Variants in ZNF608 observed in about 807,000 individuals in gnomAD.
ZNF608 encodes renal carcinoma antigen NY-REN-36.
A neutral mutation model predicts 109.0 loss-of-function variants in ZNF608; 12 were observed. The observed-to-expected ratio is 0.11, with a 90% CI of 0.07 to 0.18. The LOEUF is 0.18. ZNF608 is among the 10% of genes least tolerant of loss of function. The pLI is 1.00. For missense variants in ZNF608, 1,707 were observed against 1,879.3 expected (o/e 0.91, Z 1.70); for synonymous variants, 732 against 717.4 (o/e 1.02, Z -0.33).
At chr5:124,655,203 G>A (rs1042269506) in intron 3 of ZNF608, among the ~76,000 whole-genome samples, 1 of 152,180 alleles carries the variant, frequency 6.6e-6, no homozygotes, top group African/African-American at 2.4e-5. Flanking sequence ...CTGTGGAGAG[G>A]CTTTGCTCCC....
At chr5:124,742,621 T>C (rs77172323) in intron 2 of ZNF608, among the ~76,000 whole-genome samples, 3,694 of 152,346 alleles carry the variant, frequency 0.024, 146 homozygotes, top group African/African-American at 0.085. Context: ...TCATTTATAT[T>C]CATTAATGTA....
intron 2 of ZNF608, among the ~76,000 whole-genome samples, chr5:124,720,421 G>T (rs1359756989): frequency 6.6e-6 from 1 of 152,056 alleles, no homozygotes; most frequent in Non-Finnish European, 1.5e-5. Flanking sequence ...AATTGTGAAT[G>T]GTAAGAAATA....
chr5:124,717,146 T>C (rs1753736175), intron 2 of ZNF608, among the ~76,000 whole-genome samples: 1 of 151,736 alleles, frequency 6.6e-6, no homozygotes, highest in South Asian at 2.1e-4. Context: ...TATAAACTTC[T>C]CTTAAAAGAA....
At position 124,746,540 on chromosome 5, in the gene ZNF608, AG is replaced by A; in HGVS notation, c.-530del. ...AAAAAACAGAGAGTTTAGAGAAAAAAGTTTTCCCAACTTCTCATTCCGCCTT... is the reference window on the plus strand; with the variant it reads ...AAAAAACAGAGAGTTTAGAGAAAAAATTTTCCCAACTTCTCATTCCGCCTT... On this transcript the variant is annotated 5_prime_UTR_variant, in exon 1 of 10. The change abolishes the stop of an existing upstream ORF in the 5' untranslated region. Coordinates refer to ENST00000513986, the MANE Select transcript of ZNF608 (RefSeq NM_020747.3). 1 of 985,390 alleles carries A rather than the reference AG, an allele frequency of 1.0e-6. No homozygotes were observed. Among genetic ancestry groups the A allele is most frequent in the South Asian group, 4.7e-5 (1 of 21,290 alleles). The allele number at this position is 985,390 out of a possible 1,614,324, so 61.0% of individuals were successfully genotyped here.
At chr5:124,691,559 TA>T (rs1752632873) in intron 3 of ZNF608, among the ~76,000 whole-genome samples, 5 of 152,174 alleles carry the variant, frequency 3.3e-5, no homozygotes, top group Admixed American at 3.3e-4. Flanking sequence ...TTATTCACAA[TA>T]GCCAACATAT....
intron 3 of ZNF608, among the ~76,000 whole-genome samples, chr5:124,687,596 C>T (rs888109362): frequency 1.3e-5 from 2 of 152,162 alleles, no homozygotes; most frequent in Admixed American, 1.3e-4. Flanking sequence ...CTTCTTAGGT[C>T]TCCTGACTGG....
intron 2 of ZNF608, among the ~76,000 whole-genome samples, chr5:124,716,985 G>A (rs1383424766): frequency 1.3e-5 from 2 of 152,070 alleles, no homozygotes; most frequent in Non-Finnish European, 2.9e-5. Context: ...AGGAGGCTGA[G>A]GCAGGAGAAT....
chr5:124,713,343 G>T (rs1753574257), intron 2 of ZNF608, among the ~76,000 whole-genome samples: 1 of 152,206 alleles, frequency 6.6e-6, no homozygotes, highest in African/African-American at 2.4e-5. Flanking sequence ...GTCACCAAAT[G>T]ATGGCCCACG....
At chr5:124,711,305 C>T (rs1446599168) in intron 2 of ZNF608, among the ~76,000 whole-genome samples, 2 of 152,212 alleles carry the variant, frequency 1.3e-5, no homozygotes, top group African/African-American at 4.8e-5. Flanking sequence ...TAGAAACATA[C>T]AGAGGAAGAA....
intron 2 of ZNF608, among the ~76,000 whole-genome samples, chr5:124,727,647 C>A (rs912393096): frequency 9.2e-5 from 5 of 54,106 alleles, no homozygotes; most frequent in Admixed American, 2.1e-4. Flanking sequence ...AAAAAAAAAT[C>A]AGACCAAAAA....
chr5:124,724,548 C>T (rs1259593703), intron 2 of ZNF608, among the ~76,000 whole-genome samples: 1 of 146,480 alleles, frequency 6.8e-6, no homozygotes, highest in Non-Finnish European at 1.5e-5. Context: ...ATTACCTCAT[C>T]ATTTCCAATT....
chr5:124,675,671 C>T (rs889580658), intron 3 of ZNF608, among the ~76,000 whole-genome samples: 3 of 152,110 alleles, frequency 2.0e-5, no homozygotes, highest in African/African-American at 4.8e-5. Context: ...CATGAGACTA[C>T]GGCCATCATT....
intron 2 of ZNF608, among the ~76,000 whole-genome samples, chr5:124,723,978 A>G (rs73782049): frequency 0.015 from 2,275 of 152,296 alleles, 72 homozygotes; most frequent in African/African-American, 0.052. Context: ...AATTAAAATA[A>G]TAGATTACTA....
intron 3 of ZNF608, among the ~76,000 whole-genome samples, chr5:124,699,561 T>C (rs1169812625): frequency 2.6e-5 from 4 of 152,238 alleles, no homozygotes; most frequent in African/African-American, 9.6e-5. Context: ...TCAGTCCTTT[T>C]CTCTGATTCT....
chr5:124,693,972 A>ATGTTTTTTTTTTTTTTTTTTTTTTTTTT (rs1561564262), intron 3 of ZNF608, among the ~76,000 whole-genome samples: 1 of 23,300 alleles, frequency 4.3e-5, no homozygotes, highest in African/African-American at 2.3e-4. Flanking sequence ...CATTTCATTA[A>ATGTTTTTTTTTTTTTTTTTTTTTTTTTT]TCTTTTTTTT....
At chr5:124,661,997 A>G (rs1751283875) in intron 3 of ZNF608, among the ~76,000 whole-genome samples, 1 of 152,188 alleles carries the variant, frequency 6.6e-6, no homozygotes, top group African/African-American at 2.4e-5. Flanking sequence ...ATAGTTTCCG[A>G]AGTCACTCTG....
At chr5:124,691,647 T>G (rs1301292784) in intron 3 of ZNF608, among the ~76,000 whole-genome samples, 1 of 152,226 alleles carries the variant, frequency 6.6e-6, no homozygotes, top group Non-Finnish European at 1.5e-5. Context: ...TTATTCAGCA[T>G]GTCAAAAGGA....
intron 3 of ZNF608, among the ~76,000 whole-genome samples, chr5:124,691,535 T>C (rs1033962327): frequency 2.6e-5 from 4 of 152,222 alleles, no homozygotes; most frequent in African/African-American, 9.6e-5. Context: ...TGTATTCCCA[T>C]GTTCATCACA....
Position 124,676,303 on chromosome 5 carries a change from G to T in ZNF608, c.1162+24711C>A, listed in dbSNP as rs574939843. On this transcript the variant is annotated intron_variant, in intron 3 of 9. Coordinates refer to ENST00000513986, the MANE Select transcript of ZNF608 (RefSeq NM_020747.3). ...AATGCAGCATATGGAAATGAAGTAG[G>T]CACTTCTTGGAGGTTTTCTTTTCCT... 9.2e-5 allele frequency among the ~76,000 whole-genome samples: 14 copies of T among 152,170 alleles called. No individual in the cohort carries two copies. The South Asian group carries it at 1.9e-3, about 20-fold the overall frequency.
Sources: gnomAD v4.1 joint callset for allele counts (sites outside exome capture counted in the v4.1 genomes callset) on GRCh38, gnomAD v4.1.1 for gene constraint, MANE v1.5 for transcripts, NCBI Gene and HGNC (gene_info 2026-07-23, HGNC 2026-07-21) for gene names.